PDE5A: variants seen among roughly 807,000 people sequenced by gnomAD.
PDE5A encodes the protein cGMP-specific 3',5'-cyclic phosphodiesterase.
A neutral mutation model predicts 110.2 loss-of-function variants in PDE5A; 67 were observed. That is an observed-to-expected ratio of 0.61 (90% CI 0.50 to 0.75). The LOEUF is 0.75. Ranked by LOEUF, PDE5A falls within the 30% of genes least tolerant of loss-of-function variation. The probability of loss-of-function intolerance (pLI) is 0.00; values close to 1 mark genes in which losing one functional copy is unlikely to be tolerated. For synonymous variants in PDE5A, 328 were observed against 351.2 expected (o/e 0.93, Z 0.74); for missense variants, 862 against 1,045.1 (o/e 0.82, Z 2.42).
intron 3 of PDE5A, among the ~76,000 whole-genome samples, chr4:119,595,411 TAAAAC>T (rs1197232159): frequency 6.6e-6 from 1 of 152,140 alleles, no homozygotes; most frequent in Non-Finnish European, 1.5e-5. Flanking sequence ...AGATAACTGG[TAAAAC>T]ATTTCCGCGT....
intron 5 of PDE5A, among the ~76,000 whole-genome samples, chr4:119,563,205 C>T (rs190817928): frequency 6.6e-6 from 1 of 152,230 alleles, no homozygotes; most frequent in Admixed American, 6.5e-5. Context: ...TTAATCCTGA[C>T]TTCCTTTACT....
intron 8 of PDE5A, among the ~76,000 whole-genome samples, 153 bp downstream of exon 8, chr4:119,553,485 T>G (rs1463700238): frequency 2.6e-5 from 4 of 152,092 alleles, no homozygotes; most frequent in Non-Finnish European, 5.9e-5. Flanking sequence ...GATGTTATGA[T>G]CTATTTTATT....
chr4:119,560,147 G>C, intron 7 of PDE5A, 149 bp downstream of exon 7: 1 of 497,424 alleles, frequency 2.0e-6, no homozygotes, highest in Middle Eastern at 5.3e-4. Context: ...TCTTGATGGA[G>C]GACGACTTAG....
Position 119,506,275 on chromosome 4 carries a change from C to T in PDE5A, c.2190-343G>A, listed in dbSNP as rs76720238. On this transcript the variant is annotated intron_variant, in intron 16 of 20. Coordinates refer to ENST00000354960, the MANE Select transcript of PDE5A (RefSeq NM_001083.4). ...GATTTCAGGTATTTTAAGTGCATGG[C>T]ATAATAAGATCTATAGGTTTCAGTT... Among the ~76,000 whole-genome samples, 93 of 151,780 alleles carry T rather than the reference C, an allele frequency of 6.1e-4. 1 individual carries two copies. In the East Asian group the frequency reaches 0.017, roughly 28 times the overall value.
intron 2 of PDE5A, among the ~76,000 whole-genome samples, chr4:119,599,642 T>C (rs1228869912): frequency 1.3e-5 from 2 of 149,920 alleles, no homozygotes; most frequent in Non-Finnish European, 1.5e-5. Context: ...TTCAGAAGGA[T>C]TGAAAGAGAA....
chr4:119,552,304 T>A (rs1421788073), intron 9 of PDE5A: 1 of 256,654 alleles, frequency 3.9e-6, no homozygotes, highest in Non-Finnish European at 7.3e-6. Flanking sequence ...CAAATTTCAA[T>A]ACATCATCAA....
At chr4:119,599,269 C>G (rs1729259045) in intron 2 of PDE5A, among the ~76,000 whole-genome samples, 1 of 151,864 alleles carries the variant, frequency 6.6e-6, no homozygotes, top group Admixed American at 6.6e-5. Flanking sequence ...CAGACTATGA[C>G]CAGCAGACAA....
At chr4:119,519,718 C>T (rs2110468916) in intron 13 of PDE5A, 1 of 152,218 alleles carries the variant, frequency 6.6e-6, no homozygotes, top group South Asian at 2.1e-4. Flanking sequence ...TTATCATCAG[C>T]TGTATTTTCC....
chr4:119,498,609 G>A lies in PDE5A; in HGVS notation c.2620C>T (p.Arg874Trp), dbSNP rs202172602. The change falls in exon 21 of 21, where the codon CGG (arginine) becomes TGG (tryptophan). Residue 874 changes from arginine to tryptophan, a missense_variant. Arg to Trp is a moderately radical substitution (Grantham distance 101). Transcript: ENST00000354960. Reference protein sequence around the residue: ...LINGESGQAKRN With the variant: ...LINGESGQAKWN ...TGCATGAAATAGGCCACTCAGTTCC[G>A]CTTGGCCTGGCCGCTTTCCCCATTA... The A allele has an allele frequency of 2.5e-6, 4 of 1,613,754 alleles. No individual in the cohort carries two copies. Among genetic ancestry groups the A allele is most frequent in the African/African-American group, 1.3e-5 (1 of 74,894 alleles).
intron 9 of PDE5A, among the ~76,000 whole-genome samples, chr4:119,545,994 C>A (rs1475190334): frequency 6.6e-6 from 1 of 152,134 alleles, no homozygotes; most frequent in Non-Finnish European, 1.5e-5. Context: ...ATTATCCTTA[C>A]AATATTCAAC....
chr4:119,593,712 A>G (rs1729059484), intron 3 of PDE5A, among the ~76,000 whole-genome samples: 1 of 152,194 alleles, frequency 6.6e-6, no homozygotes, highest in Admixed American at 6.5e-5. Context: ...TGTACACTTA[A>G]GCTGGGTAAA....
intron 11 of PDE5A, among the ~76,000 whole-genome samples, chr4:119,529,913 C>A (rs1472783139): frequency 6.6e-6 from 1 of 152,008 alleles, no homozygotes; most frequent in Non-Finnish European, 1.5e-5. Context: ...GTTCCTGGAC[C>A]AGCAGCATCA....
intron 14 of PDE5A, among the ~76,000 whole-genome samples, chr4:119,518,562 T>A (rs1250180796): frequency 2.0e-5 from 3 of 152,194 alleles, no homozygotes; most frequent in African/African-American, 7.2e-5. Context: ...TTATCTCCAT[T>A]TTACAGATCA....
chr4:119,564,115 T>C lies in PDE5A; in HGVS notation c.994-1145A>G, dbSNP rs574492997. Among the ~76,000 whole-genome samples the C allele has an allele frequency of 7.2e-5, 11 of 151,746 alleles. No individual in the cohort carries two copies. In the South Asian group the frequency reaches 2.3e-3, roughly 31 times the overall value. The stretch of plus-strand genomic sequence containing the variant: ...ATAGACACATAGACAAAAATAGATA[T>C]AAATAATAATATAAAAATACAAAAT... On this transcript the variant is annotated intron_variant, in intron 5 of 20. Coordinates refer to ENST00000354960, the MANE Select transcript of PDE5A (RefSeq NM_001083.4).
chr4:119,554,943 A>G (rs2110498378), intron 7 of PDE5A, among the ~76,000 whole-genome samples: 1 of 152,244 alleles, frequency 6.6e-6, no homozygotes, highest in African/African-American at 2.4e-5. Flanking sequence ...CTAATTTCCC[A>G]AGGATACTGA....
intron 11 of PDE5A, chr4:119,528,621 C>T (rs1354769229): frequency 6.6e-6 from 1 of 152,104 alleles, no homozygotes; most frequent in African/African-American, 2.4e-5. Flanking sequence ...TCACCCTGAA[C>T]AAGATGTTCA....
intron 1 of PDE5A, among the ~76,000 whole-genome samples, chr4:119,611,471 G>A (rs12504983): frequency 0.84 from 122,997 of 146,870 alleles, 49,874 homozygotes; most frequent in East Asian, 0.91. Flanking sequence ...GAAAATCAAC[G>A]TTGTGTTTTA....
At chr4:119,505,822 A>C in intron 17 of PDE5A, 33 bp downstream of exon 17, 1 of 1,264,088 alleles carries the variant, frequency 7.9e-7, no homozygotes, top group Non-Finnish European at 1.1e-6. Flanking sequence ...CTGGGTAAAA[A>C]ACTTCAGCTT....
At chr4:119,613,620 A>T (rs138458101) in intron 1 of PDE5A, among the ~76,000 whole-genome samples, 383 of 152,316 alleles carry the variant, frequency 2.5e-3, no homozygotes, top group African/African-American at 9.0e-3. Context: ...AAAAGTAGAA[A>T]GCAACGGATG....
Sources: allele counts gnomAD v4.1 joint callset (sites outside exome capture counted in the v4.1 genomes callset), GRCh38; gene constraint gnomAD v4.1.1; transcripts MANE v1.5; gene names NCBI Gene and HGNC (gene_info 2026-07-23, HGNC 2026-07-21).